Variants in COL5A2 observed in about 807,000 individuals in gnomAD.
The protein encoded by COL5A2 is collagen alpha-2(V) chain.
Under a neutral mutation model 208.2 loss-of-function variants are expected in COL5A2, and 23 were observed. The ratio of observed to expected loss-of-function variants is 0.11; its 90% CI spans 0.08 to 0.16. The LOEUF is 0.16. Among genes scored for constraint, COL5A2 ranks in the 10% least tolerant of loss-of-function variants. The pLI is 1.00. For missense variants in COL5A2, 1,590 were observed against 1,956.4 expected (o/e 0.81, Z 3.53); for synonymous variants, 625 against 628.5 (o/e 0.99, Z 0.08).
At chr2:189,395,418 A>G in the COL5A2 span, among the ~76,000 whole-genome samples, 1 of 152,182 alleles carries the variant, frequency 6.6e-6, no homozygotes, top group African/African-American at 2.4e-5. Flanking sequence ...TATACTTGAA[A>G]TTCATAACAA....
the COL5A2 span, among the ~76,000 whole-genome samples, chr2:189,430,233 T>C: frequency 6.6e-6 from 1 of 152,172 alleles, no homozygotes; most frequent in Non-Finnish European, 1.5e-5. Context: ...GAAAGAAAAC[T>C]ATCCCTATTC....
chr2:189,396,904 T>C, the COL5A2 span, among the ~76,000 whole-genome samples: 4 of 148,904 alleles, frequency 2.7e-5, no homozygotes, highest in African/African-American at 5.0e-5. Context: ...GACAGGAGAA[T>C]TGCTTGAACC....
At chr2:189,371,248 C>T in the COL5A2 span, among the ~76,000 whole-genome samples, 1 of 152,172 alleles carries the variant, frequency 6.6e-6, no homozygotes, top group African/African-American at 2.4e-5. Flanking sequence ...AAATAAACTT[C>T]TTTTCTTTAT....
intron 30 of COL5A2, among the ~76,000 whole-genome samples, chr2:189,061,105 ATTAT>A (rs1349024103): frequency 3.3e-5 from 5 of 152,150 alleles, no homozygotes; most frequent in Admixed American, 6.5e-5. Context: ...CTGCTAGAAT[ATTAT>A]TTAAAGTCAG....
the COL5A2 span, among the ~76,000 whole-genome samples, chr2:189,341,875 T>C: frequency 6.6e-6 from 1 of 152,294 alleles, no homozygotes; most frequent in African/African-American, 2.4e-5. Flanking sequence ...AATTTGTTAA[T>C]ATAATTTCCT....
intron 1 of COL5A2, among the ~76,000 whole-genome samples, chr2:189,178,854 G>C (rs1446312935): frequency 1.3e-5 from 2 of 152,112 alleles, no homozygotes; most frequent in African/African-American, 4.8e-5. Context: ...AATCAAGCCA[G>C]TAGGGTGGGA....
At chr2:189,151,222 C>T (rs1057272431) in intron 1 of COL5A2, among the ~76,000 whole-genome samples, 2 of 152,102 alleles carry the variant, frequency 1.3e-5, no homozygotes, top group African/African-American at 4.8e-5. Flanking sequence ...GCCCTTCACC[C>T]CTTCCATTAA....
At chr2:189,399,252 A>ATTTTT in the COL5A2 span, among the ~76,000 whole-genome samples, 1 of 140,552 alleles carries the variant, frequency 7.1e-6, no homozygotes, top group African/African-American at 2.6e-5. Flanking sequence ...TTATTTTACG[A>ATTTTT]TTTTTTTTTT....
At chr2:189,156,332 G>C (rs1036311889) in intron 1 of COL5A2, among the ~76,000 whole-genome samples, 2 of 152,016 alleles carry the variant, frequency 1.3e-5, no homozygotes, top group Non-Finnish European at 2.9e-5. Context: ...TATTTATTAA[G>C]TAAATAAATT....
rs147905118 is a variant in COL5A2 at position 189,170,012 on chromosome 2, T to A, written c.97+9496A>T. ...GATTACAGGCGTGAGCCACCACACC[T>A]GGCCTGTTATTATTAAATAGTAATC... On this transcript the variant is annotated intron_variant, in intron 1 of 53. Coordinates refer to ENST00000374866, the MANE Select transcript of COL5A2 (RefSeq NM_000393.5). Among the ~76,000 whole-genome samples the A allele has an allele frequency of 6.3e-3, 962 of 152,338 alleles. 14 individuals carry two copies. The highest frequency in any genetic ancestry group is 0.02 in the African/African-American group (851 of 41,564).
chr2:189,101,367 T>G, intron 3 of COL5A2, among the ~76,000 whole-genome samples: 1 of 152,076 alleles, frequency 6.6e-6, no homozygotes. Flanking sequence ...ACCCCGGAGA[T>G]AACCACTGTT....
chr2:189,182,987 C>G (rs1688802218), upstream of COL5A2, among the ~76,000 whole-genome samples: 1 of 152,148 alleles, frequency 6.6e-6, no homozygotes, highest in Non-Finnish European at 1.5e-5. Context: ...GCCTGTAAAG[C>G]TGCTCCTCAC....
At chr2:189,339,599 T>C in the COL5A2 span, among the ~76,000 whole-genome samples, 3 of 152,070 alleles carry the variant, frequency 2.0e-5, no homozygotes, top group African/African-American at 7.2e-5. Flanking sequence ...GCTGAGGAGA[T>C]GGAAGATCAG....
intron 1 of COL5A2, among the ~76,000 whole-genome samples, chr2:189,195,617 A>G (rs1326214752): frequency 1.3e-5 from 2 of 152,172 alleles, no homozygotes; most frequent in Admixed American, 6.5e-5. Flanking sequence ...CAAAACAGAC[A>G]TATAGACCAA....
chr2:189,340,433 C>T, the COL5A2 span, among the ~76,000 whole-genome samples: 37 of 152,152 alleles, frequency 2.4e-4, no homozygotes, highest in Non-Finnish European at 5.0e-4. Flanking sequence ...AGTAAGGTTA[C>T]AGTATTGTTT....
chr2:189,064,585 G>A lies in COL5A2; in HGVS notation c.1688C>T (p.Pro563Leu), dbSNP rs377360079. ...PKGSQGDPGR[P>L]GEPGLPGARG... ...AGCACCTGGAAGCCCAGGTTCCCCT[G>A]GACGTCCTGGATCCCCCTGGCTTCC... The change falls in exon 25 of 54, where the codon CCA (proline) becomes CTA (leucine). Residue 563 changes from proline (P) to leucine (L), a missense_variant. Coordinates refer to ENST00000374866, the MANE Select transcript of COL5A2 (RefSeq NM_000393.5). 3 of 1,613,760 alleles carry A rather than the reference G, an allele frequency of 1.9e-6. No individual in the cohort carries two copies. The highest frequency in any genetic ancestry group is 2.7e-5 in the African/African-American group (2 of 74,884).
rs1159713673 is a variant in COL5A2, at chr2:189,102,852, G to A, written c.336+1412C>T. On this transcript the variant is annotated intron_variant, in intron 3 of 53. Coordinates refer to ENST00000374866, the MANE Select transcript of COL5A2 (RefSeq NM_000393.5). ...TTTTATAACATTGCTTTGCTCTTGT[G>A]TTTCTGATGATACCTGATGACAAAT... 2.0e-5 allele frequency among the ~76,000 whole-genome samples: 3 copies of A among 152,168 alleles called. No individual in the cohort carries two copies. In the East Asian group the frequency reaches 5.8e-4, roughly 29 times the overall value.
At chr2:189,385,605 C>G in the COL5A2 span, among the ~76,000 whole-genome samples, 1 of 151,464 alleles carries the variant, frequency 6.6e-6, no homozygotes, top group South Asian at 2.1e-4. Context: ...CCATTTTTCA[C>G]AGAATTAGAA....
chr2:189,246,036 C>T, the COL5A2 span, among the ~76,000 whole-genome samples: 1 of 152,074 alleles, frequency 6.6e-6, no homozygotes, highest in Non-Finnish European at 1.5e-5. Context: ...TTTACTTAGG[C>T]ACCATTGCAA....
Sources: allele counts gnomAD v4.1 joint callset (sites outside exome capture counted in the v4.1 genomes callset), GRCh38; gene constraint gnomAD v4.1.1; transcripts MANE v1.5; gene names NCBI Gene and HGNC (gene_info 2026-07-23, HGNC 2026-07-21).